ANKRD31: variants seen among roughly 807,000 people sequenced by gnomAD.
The protein encoded by ANKRD31 is ankyrin repeat domain 31, also known as ankyrin repeat domain-containing protein 31.
A neutral mutation model predicts 186.0 loss-of-function variants in ANKRD31; 147 were observed. That is an observed-to-expected ratio of 0.79 (90% CI 0.69 to 0.91). The LOEUF is 0.91. Ranked by LOEUF, ANKRD31 falls within the 40% of genes least tolerant of loss-of-function variation. The pLI is 0.00. For missense variants in ANKRD31, 1,986 were observed against 2,148.8 expected (o/e 0.92, Z 1.50); for synonymous variants, 673 against 736.4 (o/e 0.91, Z 1.39).
At chr5:75,210,947 AT>A in intron 3 of ANKRD31, 82 bp from the exon 4 acceptor site, 1 of 965,398 alleles carries the variant, frequency 1.0e-6, no homozygotes, top group Non-Finnish European at 1.5e-6. Flanking sequence ...ATTTAAAGTA[AT>A]TTTTGTGTTA....
rs1055977894 is a variant in ANKRD31, at chr5:75,077,856, C to T, written c.5647+2712G>A. On this transcript the variant is annotated intron_variant, in intron 25 of 25. Transcript: ENST00000506364. Reference sequence around the variant, plus strand: ...AGGAGAGTGGCATGAACCCGGGAGGCGGGAGGCGGAGGTTGCAGTGAGCCG... The same window carrying T: ...AGGAGAGTGGCATGAACCCGGGAGGTGGGAGGCGGAGGTTGCAGTGAGCCG... 8.4e-4 allele frequency among the ~76,000 whole-genome samples: 111 copies of T among 132,282 alleles called. 1 individual carries two copies. The highest frequency in any genetic ancestry group is 3.0e-3 in the African/African-American group (104 of 34,720). 86.8% of individuals were successfully genotyped at this position (132,282 alleles called of 152,430 possible).
At chr5:75,134,516 T>TAATTA (rs550901698) in intron 17 of ANKRD31, among the ~76,000 whole-genome samples, 2 of 152,144 alleles carry the variant, frequency 1.3e-5, no homozygotes, top group Non-Finnish European at 2.9e-5. Flanking sequence ...ATTGAGGCAA[T>TAATTA]AATTAATAGC....
At chr5:75,174,425 T>C (rs1753604554) in intron 10 of ANKRD31, among the ~76,000 whole-genome samples, 1 of 152,074 alleles carries the variant, frequency 6.6e-6, no homozygotes, top group Admixed American at 6.6e-5. Flanking sequence ...GAAACTACCA[T>C]CAGAGTGAAC....
At chr5:75,071,087 A>T (rs1368310325) in intron 25 of ANKRD31, among the ~76,000 whole-genome samples, 1 of 152,094 alleles carries the variant, frequency 6.6e-6, no homozygotes, top group Non-Finnish European at 1.5e-5. Flanking sequence ...GTTTCCTTAA[A>T]TCTAGTGTTC....
chr5:75,199,718 C>T (rs1389911641), intron 5 of ANKRD31, 44 bp from the exon 6 acceptor site: 5 of 1,468,788 alleles, frequency 3.4e-6, no homozygotes, highest in Non-Finnish European at 4.6e-6. Flanking sequence ...TATGGAAGCA[C>T]TAAAAACATA....
At chr5:75,149,898 A>G (rs1751732245) in intron 12 of ANKRD31, among the ~76,000 whole-genome samples, 1 of 151,942 alleles carries the variant, frequency 6.6e-6, no homozygotes, top group Admixed American at 6.6e-5. Flanking sequence ...TGCAAGGGAC[A>G]TGGTTCCTAA....
intron 23 of ANKRD31, among the ~76,000 whole-genome samples, chr5:75,086,101 T>C (rs1282922343): frequency 5.9e-5 from 9 of 152,218 alleles, no homozygotes; most frequent in Non-Finnish European, 1.0e-4. Flanking sequence ...TGTTATGCCC[T>C]GACAATGTCC....
chr5:75,184,807 T>A (rs549810435), intron 10 of ANKRD31, among the ~76,000 whole-genome samples: 1 of 152,170 alleles, frequency 6.6e-6, no homozygotes, highest in African/African-American at 2.4e-5. Flanking sequence ...ATATGGAGAT[T>A]CCTCAAAAAA....
intron 25 of ANKRD31, among the ~76,000 whole-genome samples, chr5:75,076,680 C>T (rs1744675981): frequency 6.6e-6 from 1 of 152,208 alleles, no homozygotes. Context: ...GCTGAAAGTT[C>T]CAAGCTTCTA....
chr5:75,199,706 T>C (rs1755693062), intron 5 of ANKRD31, 32 bp from the exon 6 acceptor site: 2 of 1,519,678 alleles, frequency 1.3e-6, no homozygotes, highest in African/African-American at 2.8e-5. Context: ...TCATTCCAGT[T>C]TTATGGAAGC....
chr5:75,150,287 C>A (rs2150152064), intron 12 of ANKRD31, among the ~76,000 whole-genome samples: 1 of 151,902 alleles, frequency 6.6e-6, no homozygotes, highest in Admixed American at 6.6e-5. Flanking sequence ...TTACTTTAAG[C>A]TAGAAAAGCA....
rs140280558 is a variant in ANKRD31, at chr5:75,189,055, T to C, written c.1409-407A>G. On this transcript the variant is annotated intron_variant, in intron 9 of 25. Transcript: ENST00000506364. ...TAAAATGTTATATTACCAAATGTCT[T>C]ATAAAACCATGAGGAGAAAATCTCA... 8.4e-3 allele frequency among the ~76,000 whole-genome samples: 1,275 copies of C among 152,216 alleles called. 19 individuals are homozygous for C. The highest frequency in any genetic ancestry group is 0.029 in the African/African-American group (1,184 of 41,532).
intron 7 of ANKRD31, among the ~76,000 whole-genome samples, chr5:75,194,254 A>T (rs1452121496): frequency 6.6e-6 from 1 of 152,118 alleles, no homozygotes; most frequent in Non-Finnish European, 1.5e-5. Context: ...ATCTCTTCTA[A>T]GTAAGTCTCC....
intron 10 of ANKRD31, among the ~76,000 whole-genome samples, chr5:75,170,664 C>A (rs536359636): frequency 2.6e-5 from 4 of 152,054 alleles, no homozygotes; most frequent in Non-Finnish European, 4.4e-5. Context: ...CCACTCCCTT[C>A]CTCCTCCCAT....
At chr5:75,145,219 G>A (rs190431095) in intron 14 of ANKRD31, among the ~76,000 whole-genome samples, 19 of 152,044 alleles carry the variant, frequency 1.2e-4, no homozygotes, top group Middle Eastern at 6.8e-3. Flanking sequence ...ACCATTTGAC[G>A]CAGCCATCCC....
intron 22 of ANKRD31, among the ~76,000 whole-genome samples, chr5:75,094,959 A>G (rs1746201251): frequency 1.3e-5 from 2 of 152,216 alleles, no homozygotes; most frequent in South Asian, 4.1e-4. Flanking sequence ...TTATAATGCT[A>G]AGAGGCTTGA....
chr5:75,144,550 C>T (rs905046046), intron 14 of ANKRD31, among the ~76,000 whole-genome samples: 1 of 152,092 alleles, frequency 6.6e-6, no homozygotes, highest in Non-Finnish European at 1.5e-5. Context: ...ATGCAGAAAA[C>T]TGAAACTGGA....
At chr5:75,215,413 A>T (rs1756906425) in intron 3 of ANKRD31, among the ~76,000 whole-genome samples, 1 of 152,094 alleles carries the variant, frequency 6.6e-6, no homozygotes, top group Non-Finnish European at 1.5e-5. Flanking sequence ...ATGCCCCCCT[A>T]ATTTTGACAT....
intron 4 of ANKRD31, among the ~76,000 whole-genome samples, chr5:75,207,114 T>C (rs1050111035): frequency 2.6e-4 from 40 of 152,168 alleles, no homozygotes; most frequent in Non-Finnish European, 5.1e-4. Flanking sequence ...GTAATCAAGA[T>C]ACCTTCCTTT....
Sources: gnomAD v4.1 joint callset for allele counts (sites outside exome capture counted in the v4.1 genomes callset) on GRCh38, gnomAD v4.1.1 for gene constraint, MANE v1.5 for transcripts, NCBI Gene and HGNC (gene_info 2026-07-23, HGNC 2026-07-21) for gene names.